KCNH1: variants seen among roughly 807,000 people sequenced by gnomAD.
KCNH1 encodes the protein voltage-gated delayed rectifier potassium channel KCNH1.
Under a neutral mutation model 69.2 loss-of-function variants are expected in KCNH1, and 27 were observed. That is an observed-to-expected ratio of 0.39 (90% CI 0.29 to 0.54). The LOEUF (loss-of-function observed/expected upper bound fraction) is 0.54. KCNH1 is among the 20% of genes least tolerant of loss of function. The pLI, the probability that KCNH1 is intolerant of heterozygous loss-of-function variation, is 0.68. For synonymous variants in KCNH1, 456 were observed against 487.7 expected (o/e 0.93, Z 0.86); for missense variants, 798 against 1,261.6 (o/e 0.63, Z 5.57).
intron 6 of KCNH1, among the ~76,000 whole-genome samples, chr1:210,967,884 T>C (rs1300121113): frequency 2.0e-5 from 3 of 152,064 alleles, no homozygotes; most frequent in Non-Finnish European, 4.4e-5. Flanking sequence ...TTTTTTATTA[T>C]ACTTTAAGTT....
chr1:210,796,478 G>A (rs554903328), intron 9 of KCNH1, among the ~76,000 whole-genome samples: 67 of 152,222 alleles, frequency 4.4e-4, no homozygotes, highest in African/African-American at 1.5e-3. Context: ...AAGAGCTGTT[G>A]TCTAGCTAGC....
At position 210,781,042 on chromosome 1, in the gene KCNH1, G is replaced by A. The variant is rs565757062; in HGVS notation, c.1916-5498C>T. On this transcript the variant is annotated intron_variant, in intron 9 of 10. Transcript: ENST00000271751. ...AGCCTGGATGACAGAGCGAGACTCC[G>A]TTTCAAACAAACAAACAAACAAAAC... 3.2e-4 allele frequency among the ~76,000 whole-genome samples: 48 copies of A among 152,184 alleles called. 1 individual carries two copies. In the South Asian group the frequency reaches 5.0e-3, roughly 16 times the overall value.
chr1:210,777,397 T>A (rs1173431332), intron 9 of KCNH1, among the ~76,000 whole-genome samples: 1 of 152,210 alleles, frequency 6.6e-6, no homozygotes, highest in Non-Finnish European at 1.5e-5. Flanking sequence ...GATACATGCT[T>A]GGGGTAGCTT....
chr1:211,102,393 C>G (rs1206043950), intron 3 of KCNH1, among the ~76,000 whole-genome samples: 1 of 152,198 alleles, frequency 6.6e-6, no homozygotes, highest in South Asian at 2.1e-4. Context: ...GACTGGCATA[C>G]AGCCCTTCAC....
At chr1:210,873,749 C>T (rs1025922381) in intron 7 of KCNH1, among the ~76,000 whole-genome samples, 4 of 152,088 alleles carry the variant, frequency 2.6e-5, no homozygotes, top group Admixed American at 6.6e-5. Flanking sequence ...AGAGAAATTA[C>T]TCCAGATACA....
At chr1:210,787,382 G>A (rs1002781911) in intron 9 of KCNH1, among the ~76,000 whole-genome samples, 2 of 152,086 alleles carry the variant, frequency 1.3e-5, no homozygotes, top group Admixed American at 1.3e-4. Context: ...CCTGTTCTTA[G>A]TCCTATTACA....
chr1:210,797,378 A>C (rs1244638367), intron 9 of KCNH1, 130 bp downstream of exon 9: 3 of 980,698 alleles, frequency 3.1e-6, no homozygotes, highest in Non-Finnish European at 3.1e-6. Context: ...TGTTGGATAG[A>C]TAAGTGAATA....
intron 10 of KCNH1, among the ~76,000 whole-genome samples, chr1:210,700,856 G>A (rs1320231274): frequency 6.6e-6 from 1 of 151,944 alleles, no homozygotes; most frequent in South Asian, 2.1e-4. Flanking sequence ...ATGGTCTTTT[G>A]TTGTCTCAAA....
intron 3 of KCNH1, among the ~76,000 whole-genome samples, chr1:211,095,875 A>T (rs1691140094): frequency 6.6e-6 from 1 of 152,204 alleles, no homozygotes; most frequent in Non-Finnish European, 1.5e-5. Context: ...TCTGACACTT[A>T]GTCCCAAGCC....
chr1:210,959,412 G>A (rs954901562), intron 6 of KCNH1, among the ~76,000 whole-genome samples: 2 of 152,192 alleles, frequency 1.3e-5, no homozygotes, highest in African/African-American at 4.8e-5. Flanking sequence ...CGTTCTCAGA[G>A]CTCAAACGCC....
chr1:210,981,598 A>G (rs1469447025), intron 6 of KCNH1, among the ~76,000 whole-genome samples: 1 of 152,122 alleles, frequency 6.6e-6, no homozygotes, highest in Non-Finnish European at 1.5e-5. Context: ...ATACTATCTC[A>G]ATAAGGAATG....
chr1:210,754,914 CA>C (rs1483679026), intron 10 of KCNH1, among the ~76,000 whole-genome samples: 12 of 151,688 alleles, frequency 7.9e-5, no homozygotes, highest in Non-Finnish European at 1.2e-4. Flanking sequence ...AGAGCAGCAG[CA>C]ACATTGCTGG....
intron 10 of KCNH1, among the ~76,000 whole-genome samples, chr1:210,713,865 G>A (rs1682143626): frequency 6.6e-6 from 1 of 152,132 alleles, no homozygotes; most frequent in African/African-American, 2.4e-5. Context: ...TAATTTCATT[G>A]CAGACTGAGG....
chr1:210,955,784 G>A (rs553991494), intron 6 of KCNH1, among the ~76,000 whole-genome samples: 16 of 152,102 alleles, frequency 1.1e-4, no homozygotes, highest in Admixed American at 3.3e-4. Flanking sequence ...GTTGCTTATC[G>A]GCTTAAGGAG....
chr1:210,936,631 A>G (rs1050172633), intron 6 of KCNH1, among the ~76,000 whole-genome samples: 3 of 152,154 alleles, frequency 2.0e-5, no homozygotes, highest in Non-Finnish European at 2.9e-5. Flanking sequence ...TATTTTCATT[A>G]ATTATCTTGC....
chr1:211,059,528 G>A (rs1558586703), intron 5 of KCNH1, among the ~76,000 whole-genome samples: 1 of 152,016 alleles, frequency 6.6e-6, no homozygotes, highest in South Asian at 2.1e-4. Context: ...GGATCATGAG[G>A]TCAGGAGATC....
intron 6 of KCNH1, among the ~76,000 whole-genome samples, chr1:210,936,758 A>T (rs902824153): frequency 1.3e-5 from 2 of 151,928 alleles, no homozygotes; most frequent in Non-Finnish European, 2.9e-5. Flanking sequence ...ATCATTCAAC[A>T]CTCTATTCTT....
chr1:210,717,505 ACTGT>A (rs568048422), intron 10 of KCNH1, among the ~76,000 whole-genome samples: 31 of 152,294 alleles, frequency 2.0e-4, no homozygotes, highest in Admixed American at 6.5e-4. Flanking sequence ...TCCTGAGCAG[ACTGT>A]CTGTCTGTAA....
rs550613241 is a variant in KCNH1, at chr1:210,681,962, A to G, written c.*1319T>C. The G allele has an allele frequency of 6.6e-6, 1 of 152,322 alleles. No homozygotes were observed. The highest frequency in any genetic ancestry group is 2.4e-5 in the African/African-American group (1 of 41,570). The allele number at this position is 152,322 out of a possible 1,614,324, so 9.4% of individuals were successfully genotyped here. A position where few individuals can be genotyped will look rare whatever the true frequency, so the allele number is the denominator to read the frequency against. On this transcript the variant is annotated 3_prime_UTR_variant, in exon 11 of 11. Transcript: ENST00000271751. ...AACCTGACTTAGGTGACCATGAGGC[A>G]GTGAAGTGTCCCCGAGCATCGTGGC...
Sources: gnomAD v4.1 joint callset for allele counts (sites outside exome capture counted in the v4.1 genomes callset) on GRCh38, gnomAD v4.1.1 for gene constraint, MANE v1.5 for transcripts, NCBI Gene and HGNC (gene_info 2026-07-23, HGNC 2026-07-21) for gene names.